PHYKPL: variants seen among roughly 807,000 people sequenced by gnomAD.
PHYKPL encodes the protein 5-phosphohydroxy-L-lysine phospho-lyase.
A neutral mutation model predicts 51.3 loss-of-function variants in PHYKPL; 42 were observed. The ratio of observed to expected loss-of-function variants is 0.82; its 90% CI spans 0.64 to 1.06. The LOEUF (loss-of-function observed/expected upper bound fraction) is 1.06, where lower values mean the gene tolerates loss of function less well. PHYKPL is among the 50% of genes least tolerant of loss of function. The probability of loss-of-function intolerance (pLI) is 0.00; values close to 1 mark genes in which losing one functional copy is unlikely to be tolerated. For synonymous variants in PHYKPL, 264 were observed against 236.0 expected (o/e 1.12, Z -1.09); for missense variants, 655 against 586.6 (o/e 1.12, Z -1.20).
chr5:178,224,311 C>G, intron 6 of PHYKPL, 137 bp downstream of exon 6: 1 of 965,010 alleles, frequency 1.0e-6, no homozygotes, highest in East Asian at 2.7e-5. Flanking sequence ...TGAGCCCAAA[C>G]TGCCCCTATC....
intron 8 of PHYKPL, chr5:178,216,408 A>C (rs1312493796): frequency 6.6e-6 from 1 of 152,230 alleles, no homozygotes; most frequent in Non-Finnish European, 1.5e-5. Flanking sequence ...TGAGTGACTT[A>C]CGGGTTCCAG....
chr5:178,224,574 G>A lies in PHYKPL; in HGVS notation c.502-10C>T. 1 of 1,614,158 alleles carries A rather than the reference G, an allele frequency of 6.2e-7. No individual in the cohort carries two copies. The highest frequency in any genetic ancestry group is 8.5e-7 in the Non-Finnish European group (1 of 1,179,948). Reference sequence around the variant, plus strand: ...TGTCTGGGAGAGGTGCCTGTGGGGAGTGACAGCGCCATGTTATCCGGGCTT... The same window carrying A: ...TGTCTGGGAGAGGTGCCTGTGGGGAATGACAGCGCCATGTTATCCGGGCTT... On this transcript the variant is annotated splice_polypyrimidine_tract_variant and intron_variant, in intron 5 of 12. Transcript: ENST00000308158.
At position 178,222,859 on chromosome 5, in the gene PHYKPL, C is replaced by T. The variant is rs1761464753; in HGVS notation, c.694G>A (p.Val232Met). The T allele has an allele frequency of 6.2e-7, 1 of 1,614,094 alleles. No individual in the cohort carries two copies. The highest frequency in any genetic ancestry group is 1.3e-5 in the African/African-American group (1 of 74,942). The change falls in exon 7 of 13, where the codon GTG (valine) becomes ATG (methionine). Residue 232 changes from valine to methionine, a missense_variant. Val to Met is a conservative substitution (Grantham distance 21). Transcript: ENST00000308158. ...CCCCGCCCACCTACTCACTCTGCCA[C>T]TTGGGAGAAGTAGCCAGCAGGGGGA... ...IIPPAGYFSQ[V>M]AEHIRKAGGV...
chr5:178,208,600 A>G lies in PHYKPL; in HGVS notation c.*347T>C, dbSNP rs1159488644. On this transcript the variant is annotated 3_prime_UTR_variant, in exon 13 of 13. Transcript: ENST00000308158. ...TGACTGGGACACTGTAAAATGTACTATTTTTAATGGGTGTGCATGTCAGGA... is the reference window on the plus strand; with the variant it reads ...TGACTGGGACACTGTAAAATGTACTGTTTTTAATGGGTGTGCATGTCAGGA... The G allele has an allele frequency of 2.0e-5, 3 of 152,236 alleles. No individual in the cohort carries two copies. Among genetic ancestry groups the G allele is most frequent in the Admixed American group, 1.3e-4 (2 of 15,284 alleles). The allele number at this position is 152,236 out of a possible 1,614,324, so 9.4% of individuals were successfully genotyped here.
intron 12 of PHYKPL, chr5:178,209,583 G>C: frequency 1.4e-6 from 1 of 716,608 alleles, no homozygotes. Flanking sequence ...ACAGGAATAG[G>C]AACGGCTCTG....
At chr5:178,211,867 A>G in intron 12 of PHYKPL, 23 bp downstream of exon 12, 1 of 1,551,476 alleles carries the variant, frequency 6.4e-7, no homozygotes, top group East Asian at 2.2e-5. Flanking sequence ...CATCTTCAAG[A>G]GTAAGAAGCA....
At chr5:178,210,940 A>G in intron 12 of PHYKPL, 1 of 363,266 alleles carries the variant, frequency 2.8e-6, no homozygotes. Flanking sequence ...GGTTGTAAAG[A>G]GTAAATTGTA....
At chr5:178,223,874 T>G (rs1448326751) in intron 6 of PHYKPL, 1 of 199,856 alleles carries the variant, frequency 5.0e-6, no homozygotes, top group Admixed American at 5.5e-5. Flanking sequence ...CACAGCTCAC[T>G]TGGGGCCTGC....
At chr5:178,215,169 TTGAGAGC>T in intron 9 of PHYKPL, 100 bp downstream of exon 9, 1 of 1,546,628 alleles carries the variant, frequency 6.5e-7, no homozygotes, top group Non-Finnish European at 8.8e-7. Context: ...TCAGTTCCTC[TTGAGAGC>T]GGACATAACC....
chr5:178,225,478 C>G, intron 3 of PHYKPL, 49 bp from the exon 4 acceptor site: 1 of 1,596,062 alleles, frequency 6.3e-7, no homozygotes, highest in East Asian at 2.2e-5. Context: ...TAAGAGCTTC[C>G]CAGAGAGAAA....
intron 3 of PHYKPL, 55 bp from the exon 4 acceptor site, chr5:178,225,484 A>G: frequency 1.3e-6 from 2 of 1,568,066 alleles, no homozygotes. Context: ...CTTCCCAGAG[A>G]GAAATGCTGA....
At chr5:178,215,473 G>A in intron 8 of PHYKPL, 43 bp from the exon 9 acceptor site, 2 of 1,577,854 alleles carry the variant, frequency 1.3e-6, no homozygotes, top group Non-Finnish European at 1.7e-6. Flanking sequence ...CTGGCAGAGT[G>A]GGCCATGCCC....
rs1205689109 is a variant in PHYKPL, at chr5:178,208,655, AATTT to A, written c.*288_*291del. 6.6e-6 allele frequency: 1 copy of A among 152,200 alleles called. No individual in the cohort carries two copies. Among genetic ancestry groups the A allele is most frequent in the East Asian group, 1.9e-4 (1 of 5,190 alleles). The allele number at this position is 152,200 out of a possible 1,614,324, so 9.4% of individuals were successfully genotyped here. A position where few individuals can be genotyped will look rare whatever the true frequency, so the allele number is the denominator to read the frequency against. ...CTTTAGAAATACACTGGTCTGGTCT[AATTT>A]ATTTAAGCAGGAGCACTTTAAAGTA... On this transcript the variant is annotated 3_prime_UTR_variant, in exon 13 of 13. Coordinates refer to ENST00000308158, the MANE Select transcript of PHYKPL (RefSeq NM_153373.4).
At chr5:178,211,027 G>A (rs1758166674) in intron 12 of PHYKPL, 1 of 196,742 alleles carries the variant, frequency 5.1e-6, no homozygotes, top group Non-Finnish European at 1.0e-5. Context: ...TGTAACGGAA[G>A]TGTTAATTTT....
chr5:178,230,145 G>A (rs761866999), intron 2 of PHYKPL, 46 bp from the exon 3 acceptor site: 1 of 1,607,174 alleles, frequency 6.2e-7, no homozygotes, highest in Admixed American at 1.7e-5. Context: ...CACTCAGCCA[G>A]TCCCACTGGG....
intron 8 of PHYKPL, among the ~76,000 whole-genome samples, chr5:178,219,788 A>C (rs555913715): frequency 4.6e-5 from 7 of 152,312 alleles, no homozygotes; most frequent in Non-Finnish European, 1.0e-4. Context: ...CAAATGGTCA[A>C]TAAACATATG....
At chr5:178,209,989 CT>C (rs111881090) in intron 12 of PHYKPL, 608,508 of 1,166,290 alleles carry the variant, frequency 0.52, 160,716 homozygotes, top group African/African-American at 0.71. Context: ...GCCCAGGGCC[CT>C]TATACACCAG....
chr5:178,217,581 G>A (rs957974520), intron 8 of PHYKPL, among the ~76,000 whole-genome samples: 2 of 151,370 alleles, frequency 1.3e-5, no homozygotes, highest in African/African-American at 2.4e-5. Context: ...AAAGTCAGCC[G>A]GCCGCGGTGA....
At chr5:178,224,402 G>A (rs1046191759) in intron 6 of PHYKPL, 46 bp downstream of exon 6, 1 of 1,501,594 alleles carries the variant, frequency 6.7e-7, no homozygotes, top group Non-Finnish European at 9.0e-7. Context: ...GACAACGGAG[G>A]TGACATTCAC....
Sources: allele counts gnomAD v4.1 joint callset (sites outside exome capture counted in the v4.1 genomes callset), GRCh38; gene constraint gnomAD v4.1.1; transcripts MANE v1.5; gene names NCBI Gene and HGNC (gene_info 2026-07-23, HGNC 2026-07-21).